Variants in DNAH9 observed in about 807,000 individuals in gnomAD.
The protein encoded by DNAH9 is dynein axonemal heavy chain 9.
In DNAH9, 345 loss-of-function variants were observed where a neutral mutation model predicts 471.6. That is an observed-to-expected ratio of 0.73 (90% CI 0.67 to 0.80). The LOEUF (loss-of-function observed/expected upper bound fraction) is 0.80, where lower values mean the gene tolerates loss of function less well. DNAH9 is among the 30% of genes least tolerant of loss of function. The pLI is 0.00. For missense variants in DNAH9, 5,407 were observed against 5,609.2 expected, an observed-to-expected ratio of 0.96 and a Z score of 1.15; for synonymous variants, 2,093 against 2,123.6, an observed-to-expected ratio of 0.99 and a Z score of 0.40.
At chr17:11,670,139 C>A (rs2073950351) in intron 17 of DNAH9, among the ~76,000 whole-genome samples, 1 of 152,164 alleles carries the variant, frequency 6.6e-6, no homozygotes, top group Admixed American at 6.5e-5. Context: ...GTCTAATGGG[C>A]CTCTTTGTTT....
At position 11,652,888 on chromosome 17, in the gene DNAH9, G is replaced by A; in HGVS notation, c.2481G>A (p.Lys827=). The stretch of plus-strand genomic sequence containing the variant: ...AAACATGGGTGACTCCAATATTTAA[G>A]ACAAAAGATGGAAAAAGGGAATCCC... The part of the protein sequence containing the change: ...IMKTWVTPIF[K]TKDGKRESLL... The change falls in exon 14 of 69, where the codon AAG becomes AAA. Residue 827 remains lysine, a synonymous_variant. Coordinates refer to ENST00000262442, the MANE Select transcript of DNAH9 (RefSeq NM_001372.4). 1 of 1,614,022 alleles carries A rather than the reference G, an allele frequency of 6.2e-7. No homozygotes were observed. The highest frequency in any genetic ancestry group is 8.5e-7 in the Non-Finnish European group (1 of 1,179,938).
rs532084136 is a variant in DNAH9, at chr17:11,861,335, C to A, written c.9933+6907C>A. 4.0e-5 allele frequency among the ~76,000 whole-genome samples: 6 copies of A among 151,642 alleles called. No individual in the cohort carries two copies. The South Asian group carries it at 1.3e-3, about 32-fold the overall frequency. On this transcript the variant is annotated intron_variant, in intron 50 of 68. Transcript: ENST00000262442. ...TGATGATTTCCAATTTCATCCATGT[C>A]CCTACAAAGGACATGAACTCATCAT... is the stretch of plus-strand genomic sequence containing the variant.
At chr17:11,859,653 G>A (rs1046012874) in intron 50 of DNAH9, among the ~76,000 whole-genome samples, 3 of 152,090 alleles carry the variant, frequency 2.0e-5, no homozygotes, top group East Asian at 1.9e-4. Flanking sequence ...GGCTTCTGGC[G>A]AGGCCTCAGG....
chr17:11,647,015 G>C, intron 11 of DNAH9, 57 bp from the exon 12 acceptor site: 1 of 1,591,904 alleles, frequency 6.3e-7, no homozygotes, highest in Non-Finnish European at 8.6e-7. Context: ...ATCATGACCA[G>C]GCACCGGTGA....
At position 11,784,401 on chromosome 17, in the gene DNAH9, G is replaced by A. The variant is rs765541256; in HGVS notation, c.7923G>A (p.Pro2641=). Residue 2641 remains proline (P), a synonymous_variant, in exon 41 of 69, where the codon CCG becomes CCA. Coordinates refer to ENST00000262442, the MANE Select transcript of DNAH9 (RefSeq NM_001372.4). The part of the protein sequence containing the change: ...LTQHLKLGNF[P]ASLQKSIPPL... ...AGCATCTGAAGCTCGGAAACTTCCC[G>A]GCGTCCCTGCAGAAATCCATCCCCC... The A allele has an allele frequency of 1.3e-5, 21 of 1,613,932 alleles. No homozygotes were observed. The highest frequency in any genetic ancestry group is 5.0e-5 in the Admixed American group (3 of 59,992).
chr17:11,927,496 C>A (rs1313520700), intron 62 of DNAH9, among the ~76,000 whole-genome samples: 1 of 152,200 alleles, frequency 6.6e-6, no homozygotes, highest in Non-Finnish European at 1.5e-5. Context: ...CTCCCAGCAC[C>A]ATTTATTAAA....
intron 7 of DNAH9, among the ~76,000 whole-genome samples, chr17:11,630,703 T>C (rs1430695445): frequency 1.3e-5 from 2 of 152,142 alleles, no homozygotes; most frequent in African/African-American, 4.8e-5. Context: ...ATCCCAGAAC[T>C]TACAGTAAAA....
intron 48 of DNAH9, among the ~76,000 whole-genome samples, chr17:11,828,549 A>G (rs543243668): frequency 6.6e-6 from 1 of 152,096 alleles, no homozygotes; most frequent in South Asian, 2.1e-4. Flanking sequence ...TACTGAATGA[A>G]TAACATTCTG....
rs186329933 is a variant in DNAH9, at chr17:11,830,826, G to C, written c.9247-3812G>C. 5.6e-4 allele frequency among the ~76,000 whole-genome samples: 85 copies of C among 152,282 alleles called. 1 individual carries two copies. The East Asian group carries it at 0.012, about 22-fold the overall frequency. On this transcript the variant is annotated intron_variant, in intron 48 of 68. Coordinates refer to ENST00000262442, the MANE Select transcript of DNAH9 (RefSeq NM_001372.4). The stretch of plus-strand genomic sequence containing the variant: ...CTTGCATGATATTCTGTACATCTTG[G>C]TTTTCCCATAGCTGAAGAATCTCTG...
intron 53 of DNAH9, among the ~76,000 whole-genome samples, chr17:11,879,494 G>A (rs1334257331): frequency 6.6e-6 from 1 of 151,814 alleles, no homozygotes; most frequent in African/African-American, 2.4e-5. Context: ...ATAAATTATT[G>A]TTATTCTTTG....
rs1974455330 is a variant in DNAH9 at position 11,930,042 on chromosome 17, C to T, written c.12054C>T (p.Pro4018=). The part of the protein sequence containing the change: ...LENSIKITNE[P]PTGMHANLHK... ...ACTCCATTAAGATCACCAATGAGCC[C>T]CCCACGGGCATGCATGCCAACCTGC... is the stretch of plus-strand genomic sequence containing the variant. The change falls in exon 63 of 69, where the codon CCC becomes CCT. Residue 4018 remains proline, a synonymous_variant. Coordinates refer to ENST00000262442, the MANE Select transcript of DNAH9 (RefSeq NM_001372.4). The T allele has an allele frequency of 6.2e-7, 1 of 1,614,096 alleles. No homozygotes were observed. The highest frequency in any genetic ancestry group is 8.5e-7 in the Non-Finnish European group (1 of 1,180,016).
At chr17:11,855,188 C>T (rs1047840449) in intron 50 of DNAH9, among the ~76,000 whole-genome samples, 20 of 152,212 alleles carry the variant, frequency 1.3e-4, no homozygotes, top group African/African-American at 4.8e-4. Context: ...AGGTATGAGC[C>T]ACTGAGCCCA....
chr17:11,854,831 T>C (rs1310953923), intron 50 of DNAH9, among the ~76,000 whole-genome samples: 1 of 152,234 alleles, frequency 6.6e-6, no homozygotes, highest in African/African-American at 2.4e-5. Context: ...ATGTGTCAGC[T>C]ATCTGCATTG....
At position 11,845,715 on chromosome 17, in the gene DNAH9, G is replaced by A. The variant is rs909656432; in HGVS notation, c.9508-8288G>A. 7.3e-3 allele frequency among the ~76,000 whole-genome samples: 1,016 copies of A among 139,434 alleles called. 15 individuals carry two copies. Among genetic ancestry groups the A allele is most frequent in the African/African-American group, 0.026 (947 of 35,904 alleles). The allele number at this position is 139,434 out of a possible 152,430, so 91.5% of individuals were successfully genotyped here. A position where few individuals can be genotyped will look rare whatever the true frequency, so the allele number is the denominator to read the frequency against. ...TCGCCATTCTAACTGGTGTGAGATG[G>A]TATCTCATTGTGGTTTTGATTTTCA... On this transcript the variant is annotated intron_variant, in intron 49 of 68. Coordinates refer to ENST00000262442, the MANE Select transcript of DNAH9 (RefSeq NM_001372.4).
chr17:11,765,630 A>G (rs1452361687), intron 36 of DNAH9, among the ~76,000 whole-genome samples: 2 of 152,260 alleles, frequency 1.3e-5, no homozygotes, highest in East Asian at 3.9e-4. Context: ...GGAAGTCTCC[A>G]AGGACAGGAG....
chr17:11,666,164 C>T (rs1026047998), intron 15 of DNAH9, among the ~76,000 whole-genome samples: 32 of 152,214 alleles, frequency 2.1e-4, no homozygotes, highest in African/African-American at 6.3e-4. Flanking sequence ...CTGGCTCTTA[C>T]GGACCAGCAC....
chr17:11,742,960 T>A (rs942465944), intron 30 of DNAH9, among the ~76,000 whole-genome samples: 21 of 152,166 alleles, frequency 1.4e-4, no homozygotes, highest in Non-Finnish European at 2.4e-4. Flanking sequence ...TCATACTACT[T>A]TTCTCATTGT....
At chr17:11,694,583 A>C (rs2074395179) in intron 22 of DNAH9, 136 bp downstream of exon 22, 1 of 756,744 alleles carries the variant, frequency 1.3e-6, no homozygotes, top group South Asian at 2.0e-5. Flanking sequence ...TGCCCCCAGC[A>C]TCATCACATA....
Position 11,854,063 on chromosome 17 carries a change from G to C in DNAH9, c.9568G>C (p.Ala3190Pro), listed in dbSNP as rs893295666. 24 of 1,614,146 alleles carry C rather than the reference G, an allele frequency of 1.5e-5. No homozygotes were observed. Among genetic ancestry groups the C allele is most frequent in the Non-Finnish European group, 1.9e-5 (23 of 1,180,040 alleles). The change falls in exon 50 of 69, where the codon GCT becomes CCT. Residue 3190 changes from alanine to proline, a missense_variant. This residue lies in a region of DNAH9 where 4,636 missense variants were observed against 4,900.3 expected (regional missense o/e 0.95). Coordinates refer to ENST00000262442, the MANE Select transcript of DNAH9 (RefSeq NM_001372.4). ...GCCTCTGGCCGTCAGCAATGTCAGCGCTGCGGTGATGGTACTGATGGCTCC... is the reference window on the plus strand; with the variant it reads ...GCCTCTGGCCGTCAGCAATGTCAGCCCTGCGGTGATGGTACTGATGGCTCC... ...SPPLAVSNVS[A>P]AVMVLMAPRG... is the part of the protein sequence containing the mutation.
Sources: gnomAD v4.1 joint callset for allele counts (sites outside exome capture counted in the v4.1 genomes callset) on GRCh38, gnomAD v4.1.1 for gene constraint, gnomAD v4.1.1 regional missense constraint, MANE v1.5 for transcripts, NCBI Gene and HGNC (gene_info 2026-07-23, HGNC 2026-07-21) for gene names.